The following DPP6 variants were observed in gnomAD, a reference collection of about 807,000 sequenced individuals.
The protein encoded by DPP6 is A-type potassium channel modulatory protein DPP6.
A neutral mutation model predicts 122.6 loss-of-function variants in DPP6; 69 were observed. The observed-to-expected ratio is 0.56, with a 90% CI of 0.46 to 0.69. The LOEUF is 0.69. DPP6 is among the 30% of genes least tolerant of loss of function. DPP6 has a pLI of 0.00. For synonymous variants in DPP6, 418 were observed against 433.1 expected, an observed-to-expected ratio of 0.97 and a Z score of 0.43; for missense variants, 928 against 1,116.9, an observed-to-expected ratio of 0.83 and a Z score of 2.41.
At chr7:154,021,663 G>T (rs1798705878) in intron 1 of DPP6, among the ~76,000 whole-genome samples, 2 of 152,166 alleles carry the variant, frequency 1.3e-5, no homozygotes, top group Non-Finnish European at 2.9e-5. Context: ...AGTGTATTAA[G>T]AAGACATCTG....
At chr7:154,342,096 A>G (rs766565451) in intron 1 of DPP6, among the ~76,000 whole-genome samples, 2 of 152,172 alleles carry the variant, frequency 1.3e-5, no homozygotes, top group East Asian at 1.9e-4. Context: ...ATTGTTAATA[A>G]TTGGTTAATT....
intron 1 of DPP6, among the ~76,000 whole-genome samples, chr7:154,021,111 A>C (rs1268627985): frequency 6.6e-6 from 1 of 152,176 alleles, no homozygotes; most frequent in Non-Finnish European, 1.5e-5. Flanking sequence ...TGCAGAGGGT[A>C]AGACGAGGAC....
intron 7 of DPP6, among the ~76,000 whole-genome samples, chr7:154,701,581 G>A (rs1840531441): frequency 6.6e-6 from 1 of 152,154 alleles, no homozygotes; most frequent in Non-Finnish European, 1.5e-5. Flanking sequence ...TGGTGTGCGG[G>A]GAGTTACTGG....
chr7:153,759,556 CTCCTATCT>C, the DPP6 span, among the ~76,000 whole-genome samples: 1 of 151,982 alleles, frequency 6.6e-6, no homozygotes, highest in Non-Finnish European at 1.5e-5. Context: ...TGGTCTCAAA[CTCCTATCT>C]TCAGGTGAAC....
In DPP6 at chr7:154,102,427, A is replaced by G. The variant is rs35878813; in HGVS notation, c.243+49364A>G. Among the ~76,000 whole-genome samples the G allele has an allele frequency of 7.5e-3, 1,145 of 151,986 alleles. 24 individuals are homozygous for G. Among genetic ancestry groups the G allele is most frequent in the African/African-American group, 0.027 (1,103 of 41,470 alleles). On this transcript the variant is annotated intron_variant, in intron 1 of 25. Coordinates refer to ENST00000377770, the MANE Select transcript of DPP6 (RefSeq NM_130797.4). Reference sequence around the variant, plus strand: ...TGGTCTCAGACTCCTGACCTCAGGTAATCCGCCCGCCTCAGCCTCCCAAAG... The same window carrying G: ...TGGTCTCAGACTCCTGACCTCAGGTGATCCGCCCGCCTCAGCCTCCCAAAG...
At chr7:154,091,150 T>C (rs1351879169) in intron 1 of DPP6, among the ~76,000 whole-genome samples, 1 of 151,490 alleles carries the variant, frequency 6.6e-6, no homozygotes, top group East Asian at 1.9e-4. Context: ...TTCTGTGCAA[T>C]TCAGTCGTAT....
At chr7:154,255,826 T>G (rs62485808) in intron 1 of DPP6, among the ~76,000 whole-genome samples, 5,680 of 152,188 alleles carry the variant, frequency 0.037, 189 homozygotes, top group East Asian at 0.13. Context: ...GGAAAAATTG[T>G]CTGTCAAATA....
Position 154,833,982 on chromosome 7 carries a change from C to CCTCTG in DPP6, c.1667-19797_1667-19793dup, listed in dbSNP as rs1330844336. 6.6e-6 allele frequency among the ~76,000 whole-genome samples: 1 copy of CCTCTG among 152,130 alleles called. No homozygotes were observed. The highest frequency in any genetic ancestry group is 1.5e-5 in the Non-Finnish European group (1 of 68,032). The stretch of plus-strand genomic sequence containing the variant: ...CGCAGACAAGAATAAGGACGCCTGT[C>CCTCTG]CTCTGAGTACTCACTGCCCAGTGAG... On this transcript the variant is annotated intron_variant, in intron 16 of 25. Coordinates refer to ENST00000377770, the MANE Select transcript of DPP6 (RefSeq NM_130797.4). This position sits in a 1 kb window ranked among gnomAD's most constrained non-coding sequence, Gnocchi z 4.3.
chr7:154,783,408 A>G (rs1000017342), intron 10 of DPP6, among the ~76,000 whole-genome samples: 6 of 152,122 alleles, frequency 3.9e-5, no homozygotes, highest in Non-Finnish European at 7.4e-5. Flanking sequence ...ATGTCCCTGT[A>G]TGACACGAGA....
At chr7:154,589,402 C>T (rs1332016735) in intron 5 of DPP6, among the ~76,000 whole-genome samples, 1 of 152,210 alleles carries the variant, frequency 6.6e-6, no homozygotes, top group Non-Finnish European at 1.5e-5. Flanking sequence ...ACTTTCTTCC[C>T]AGGCTGGGCA....
At chr7:154,272,133 C>T (rs1393662585) in intron 1 of DPP6, among the ~76,000 whole-genome samples, 1 of 152,210 alleles carries the variant, frequency 6.6e-6, no homozygotes, top group African/African-American at 2.4e-5. Context: ...TTTCAATTCC[C>T]TGGCTGCCAG....
At chr7:154,137,088 G>A (rs1184977637) in intron 1 of DPP6, among the ~76,000 whole-genome samples, 2 of 152,116 alleles carry the variant, frequency 1.3e-5, no homozygotes, top group African/African-American at 4.8e-5. Context: ...ATACCTTTTT[G>A]TTAGTTCCTT....
intron 1 of DPP6, among the ~76,000 whole-genome samples, chr7:154,225,993 AGAT>A (rs1800577978): frequency 2.0e-5 from 3 of 152,198 alleles, no homozygotes; most frequent in African/African-American, 4.8e-5. Flanking sequence ...GAGCAACTGA[AGAT>A]GATCCAGCAG....
chr7:154,255,842 C>G (rs1585754246), intron 1 of DPP6, among the ~76,000 whole-genome samples: 1 of 152,168 alleles, frequency 6.6e-6, no homozygotes, highest in African/African-American at 2.4e-5. Flanking sequence ...AAATAAATGA[C>G]TTAGAAGACC....
At chr7:154,708,329 G>T (rs1840949846) in intron 7 of DPP6, among the ~76,000 whole-genome samples, 1 of 152,148 alleles carries the variant, frequency 6.6e-6, no homozygotes, top group African/African-American at 2.4e-5. Flanking sequence ...TGCAAGAAAA[G>T]TCTCTTTTGA....
At chr7:154,681,255 T>C (rs987910508) in intron 7 of DPP6, among the ~76,000 whole-genome samples, 1 of 152,194 alleles carries the variant, frequency 6.6e-6, no homozygotes, top group African/African-American at 2.4e-5. Flanking sequence ...CTTAATTCAA[T>C]TGCGACTGAA....
chr7:154,315,415 C>T (rs1376648794), intron 1 of DPP6, among the ~76,000 whole-genome samples: 1 of 152,046 alleles, frequency 6.6e-6, no homozygotes, highest in Non-Finnish European at 1.5e-5. Flanking sequence ...TGATGAAAGC[C>T]ATAGGACTGC....
the DPP6 span, among the ~76,000 whole-genome samples, chr7:153,835,291 A>G: frequency 6.6e-6 from 1 of 152,226 alleles, no homozygotes; most frequent in Non-Finnish European, 1.5e-5. Context: ...TTGTAAAAAT[A>G]AAGGCTGTCT....
chr7:154,199,015 A>AG (rs1213427025), intron 1 of DPP6, among the ~76,000 whole-genome samples: 4 of 64,880 alleles, frequency 6.2e-5, no homozygotes, highest in South Asian at 5.5e-4. Flanking sequence ...TTGGTTTACT[A>AG]GGGTTTTTTT....
Sources: gnomAD v4.1 joint callset for allele counts (sites outside exome capture counted in the v4.1 genomes callset) on GRCh38, gnomAD v4.1.1 for gene constraint, Gnocchi (gnomAD v3.1) non-coding constraint, MANE v1.5 for transcripts, NCBI Gene and HGNC (gene_info 2026-07-23, HGNC 2026-07-21) for gene names.